BCR: variants seen among roughly 807,000 people sequenced by gnomAD.
BCR encodes BCR activator of RhoGEF and GTPase, also known as breakpoint cluster region protein.
Under a neutral mutation model 138.6 loss-of-function variants are expected in BCR, and 58 were observed. The observed-to-expected ratio is 0.42, with a 90% CI of 0.34 to 0.52. The LOEUF is 0.52. Ranked by LOEUF, BCR falls within the 20% of genes least tolerant of loss-of-function variation. BCR has a pLI of 0.06. For synonymous variants in BCR, 786 were observed against 730.1 expected, an observed-to-expected ratio of 1.08 and a Z score of -1.23; for missense variants, 1,599 against 1,727.2, an observed-to-expected ratio of 0.93 and a Z score of 1.32.
rs752549702 is a variant in BCR at position 23,273,743 on chromosome 22, G to A, written c.2084G>A (p.Arg695Gln). 3.1e-6 allele frequency: 5 copies of A among 1,614,108 alleles called. No homozygotes were observed. Among genetic ancestry groups the A allele is most frequent in the South Asian group, 1.1e-5 (1 of 91,086 alleles). ...LSSINEEITP[R>Q]RQSMTVKKGE... ...AGCATCAATGAGGAGATCACACCCC[G>A]ACGGCAGTCCATGACGGTGAAGAAG... Residue 695 changes from arginine (R) to glutamine (Q), a missense_variant, in exon 8 of 23, where the codon CGA becomes CAA. Physicochemically the swap from Arg to Gln is conservative, Grantham distance 43 (BLOSUM62 1). Coordinates refer to ENST00000305877, the MANE Select transcript of BCR (RefSeq NM_004327.4).
chr22:23,306,789 A>G (rs535777962), intron 16 of BCR: 2 of 152,502 alleles, frequency 1.3e-5, no homozygotes, highest in South Asian at 2.1e-4. Flanking sequence ...CAAGCATGCA[A>G]GAGTCACCAT....
rs712967 is a variant in BCR at position 23,316,761 on chromosome 22, A to G, written c.*1239A>G. ...CCGGAGCAGGTGGAGGCACAGGACCATTCGCTACCCCATCTGCCGACACCT... is the reference window on the plus strand; with the variant it reads ...CCGGAGCAGGTGGAGGCACAGGACCGTTCGCTACCCCATCTGCCGACACCT... On this transcript the variant is annotated 3_prime_UTR_variant, in exon 23 of 23. Coordinates refer to ENST00000305877, the MANE Select transcript of BCR (RefSeq NM_004327.4). 10,412 of 103,148 alleles carry G rather than the reference A, an allele frequency of 0.1. 299 individuals are homozygous for G. The highest frequency in any genetic ancestry group is 0.12 in the Non-Finnish European group (6,093 of 48,818). The allele number at this position is 103,148 out of a possible 1,614,324, so 6.4% of individuals were successfully genotyped here. A position where few individuals can be genotyped will look rare whatever the true frequency, so the allele number is the denominator to read the frequency against.
intron 8 of BCR, among the ~76,000 whole-genome samples, chr22:23,274,876 C>G (rs1424924286): frequency 2.0e-5 from 3 of 148,088 alleles, no homozygotes; most frequent in African/African-American, 7.6e-5. Context: ...CCACTGCACT[C>G]CAGCCTGGGT....
intron 1 of BCR, among the ~76,000 whole-genome samples, chr22:23,230,325 A>AT (rs2072942604): frequency 6.6e-6 from 1 of 152,194 alleles, no homozygotes; most frequent in African/African-American, 2.4e-5. Flanking sequence ...CAACTTCTAC[A>AT]TTTAGACGTC....
intron 16 of BCR, among the ~76,000 whole-genome samples, chr22:23,297,675 T>G (rs1016491441): frequency 2.0e-5 from 3 of 152,166 alleles, no homozygotes; most frequent in Non-Finnish European, 4.4e-5. Flanking sequence ...GCTCCTTTTT[T>G]CAGCTCATCA....
intron 21 of BCR, among the ~76,000 whole-genome samples, 155 bp downstream of exon 21, chr22:23,314,228 C>T (rs1372343633): frequency 2.0e-5 from 3 of 152,226 alleles, no homozygotes; most frequent in African/African-American, 7.2e-5. Context: ...ACTGCCACCC[C>T]TGCCCCAGCC....
chr22:23,199,088 C>A (rs1021531548), intron 1 of BCR: 2 of 316,506 alleles, frequency 6.3e-6, no homozygotes, highest in Admixed American at 4.3e-5. Context: ...CACCATTGCA[C>A]GCCAGCCAAG....
intron 1 of BCR, among the ~76,000 whole-genome samples, chr22:23,221,145 A>G (rs1294901918): frequency 6.6e-6 from 1 of 152,228 alleles, no homozygotes; most frequent in Non-Finnish European, 1.5e-5. Flanking sequence ...TTCCTAGTGC[A>G]TGAGTAATTC....
chr22:23,181,038 C>G lies in BCR; in HGVS notation c.78C>G (p.Arg26=). The part of the protein sequence containing the change: ...PDSEPPRMEL[R]SVGDIEQELE... The stretch of plus-strand genomic sequence containing the variant: ...CAGAGCCCCCGCGCATGGAGCTGCG[C>G]TCAGTGGGCGACATCGAGCAGGAGC... The change falls in exon 1 of 23, where the codon CGC becomes CGG. Residue 26 remains arginine (R), a synonymous_variant. Coordinates refer to ENST00000305877, the MANE Select transcript of BCR (RefSeq NM_004327.4). The G allele has an allele frequency of 6.6e-7, 1 of 1,520,552 alleles. No homozygotes were observed. Among genetic ancestry groups the G allele is most frequent in the Non-Finnish European group, 8.9e-7 (1 of 1,128,848 alleles). The allele number at this position is 1,520,552 out of a possible 1,614,324, so 94.2% of individuals were successfully genotyped here.
rs577356352 is a variant in BCR, at chr22:23,239,410, A to G, written c.1280-14389A>G. Among the ~76,000 whole-genome samples the G allele has an allele frequency of 3.3e-5, 5 of 152,304 alleles. 1 individual carries two copies. The South Asian group carries it at 8.3e-4, about 25-fold the overall frequency. ...CCCGGCACTGGAAGAGGAGAGCCCAAGAGAGCACGGATACATTGTGTGGCT... is the reference window on the plus strand; with the variant it reads ...CCCGGCACTGGAAGAGGAGAGCCCAGGAGAGCACGGATACATTGTGTGGCT... On this transcript the variant is annotated intron_variant, in intron 1 of 22. Transcript: ENST00000305877.
intron 16 of BCR, among the ~76,000 whole-genome samples, chr22:23,296,995 C>T (rs762926579): frequency 2.6e-5 from 4 of 152,226 alleles, no homozygotes; most frequent in Admixed American, 6.5e-5. Flanking sequence ...GTGATGGTCA[C>T]GGCTCAGGTT....
chr22:23,191,274 TGTTTATCTTG>T (rs1478294684), intron 1 of BCR, among the ~76,000 whole-genome samples: 1 of 152,240 alleles, frequency 6.6e-6, no homozygotes, highest in Non-Finnish European at 1.5e-5. Flanking sequence ...ATCTCTTTTC[TGTTTATCTTG>T]GTTTATGTCT....
chr22:23,184,642 T>G (rs940754216), intron 1 of BCR, among the ~76,000 whole-genome samples: 1 of 152,214 alleles, frequency 6.6e-6, no homozygotes, highest in South Asian at 2.1e-4. Flanking sequence ...TGCCTCATTA[T>G]TACCCAAAGT....
rs574078533 is a variant in BCR at position 23,283,005 on chromosome 22, G to T, written c.2116-972G>T. On this transcript the variant is annotated intron_variant, in intron 8 of 22. Transcript: ENST00000305877. ...ATTAAGGACCTGCCTACAGCCTGTT[G>T]TGGGGATTGGGTCAAATAATTCAGG... Among the ~76,000 whole-genome samples, 5 of 152,334 alleles carry T rather than the reference G, an allele frequency of 3.3e-5. No individual in the cohort carries two copies. The East Asian group carries it at 5.8e-4, about 18-fold the overall frequency.
intron 1 of BCR, among the ~76,000 whole-genome samples, chr22:23,189,047 A>T (rs1176800935): frequency 6.6e-6 from 1 of 151,966 alleles, no homozygotes; most frequent in Non-Finnish European, 1.5e-5. Flanking sequence ...TTTAGTAGAG[A>T]CAGGGTTTCA....
intron 1 of BCR, among the ~76,000 whole-genome samples, chr22:23,240,302 C>CGTGTGT (rs200491524): frequency 0.04 from 5,742 of 144,042 alleles, 313 homozygotes; most frequent in African/African-American, 0.12. Flanking sequence ...CCTGGCTGAT[C>CGTGTGT]GTGTGTGTGT....
chr22:23,184,552 T>C (rs980444417), intron 1 of BCR, among the ~76,000 whole-genome samples: 1 of 152,144 alleles, frequency 6.6e-6, no homozygotes, highest in Admixed American at 6.6e-5. Context: ...TCCCTACCCC[T>C]ACACCCCCAC....
In BCR at chr22:23,269,222, C is replaced by T. The variant is rs538928772; in HGVS notation, c.1860+707C>T. On this transcript the variant is annotated intron_variant, in intron 5 of 22. Coordinates refer to ENST00000305877, the MANE Select transcript of BCR (RefSeq NM_004327.4). ...ACCCAGCCACACCCCTGGGTCTGCA[C>T]TCCAGACTGGGGTTCTTTCTGCCCT... Among the ~76,000 whole-genome samples, 9 of 152,360 alleles carry T rather than the reference C, an allele frequency of 5.9e-5. No homozygotes were observed. In the South Asian group the frequency reaches 1.9e-3, roughly 32 times the overall value.
At chr22:23,290,073 AC>A in intron 13 of BCR, 1 of 553,402 alleles carries the variant, frequency 1.8e-6, no homozygotes, top group East Asian at 3.1e-5. Context: ...ATCCCACATC[AC>A]CCCGACCCCC....
Sources: allele counts gnomAD v4.1 joint callset (sites outside exome capture counted in the v4.1 genomes callset), GRCh38; gene constraint gnomAD v4.1.1; transcripts MANE v1.5; gene names NCBI Gene and HGNC (gene_info 2026-07-23, HGNC 2026-07-21).